Variants in SMARCC1 observed in about 807,000 individuals in gnomAD.
The protein encoded by SMARCC1 is SWI/SNF complex subunit SMARCC1.
Under a neutral mutation model 147.4 loss-of-function variants are expected in SMARCC1, and 43 were observed. The ratio of observed to expected loss-of-function variants is 0.29; its 90% CI spans 0.23 to 0.38. The LOEUF (loss-of-function observed/expected upper bound fraction) is 0.38. SMARCC1 is among the 10% of genes least tolerant of loss of function. The pLI, the probability that SMARCC1 is intolerant of heterozygous loss-of-function variation, is 1.00. For missense variants in SMARCC1, 1,119 were observed against 1,381.1 expected (o/e 0.81, Z 3.01); for synonymous variants, 495 against 484.4 (o/e 1.02, Z -0.29).
intron 19 of SMARCC1, chr3:47,663,676 T>G: frequency 6.7e-7 from 1 of 1,491,776 alleles, no homozygotes; most frequent in Admixed American, 1.7e-5. Context: ...CCCCAGTCAT[T>G]GAGGGGCTTA....
rs185828463 is a variant in SMARCC1, at chr3:47,673,658, C to T, written c.1839+1817G>A. ...GAGCCAACATCGCGCCACTTCACTC[C>T]AGCCTGGGAGAAAAGGGCAAACTCA... is the stretch of plus-strand genomic sequence containing the variant. On this transcript the variant is annotated intron_variant, in intron 18 of 27. Coordinates refer to ENST00000254480, the MANE Select transcript of SMARCC1 (RefSeq NM_003074.4). Among the ~76,000 whole-genome samples, 133 of 152,304 alleles carry T rather than the reference C, an allele frequency of 8.7e-4. 1 individual carries two copies. The highest frequency in any genetic ancestry group is 1.2e-4 in the Non-Finnish European group (8 of 68,030).
chr3:47,702,704 T>G (rs1485248358), intron 10 of SMARCC1, among the ~76,000 whole-genome samples: 1 of 152,182 alleles, frequency 6.6e-6, no homozygotes, highest in East Asian at 1.9e-4. Context: ...GCTCAAGTGA[T>G]CCTCCTGCCT....
intron 14 of SMARCC1, among the ~76,000 whole-genome samples, chr3:47,682,454 A>AT (rs2033665204): frequency 6.6e-6 from 1 of 152,114 alleles, no homozygotes; most frequent in African/African-American, 2.4e-5. Flanking sequence ...AATTAAAAAA[A>AT]TTTTTTGTAG....
intron 2 of SMARCC1, among the ~76,000 whole-genome samples, chr3:47,759,369 T>C (rs2034744729): frequency 6.7e-6 from 1 of 149,914 alleles, no homozygotes; most frequent in South Asian, 2.1e-4. Flanking sequence ...ATACCTGTAA[T>C]CCCAGCACTT....
At chr3:47,657,080 A>G (rs762285022) in intron 21 of SMARCC1, among the ~76,000 whole-genome samples, 4 of 152,244 alleles carry the variant, frequency 2.6e-5, no homozygotes, top group Non-Finnish European at 5.9e-5. Context: ...AGATGTAACA[A>G]TTATAAACAT....
chr3:47,599,989 TA>T (rs750137256), intron 26 of SMARCC1, among the ~76,000 whole-genome samples: 10 of 152,218 alleles, frequency 6.6e-5, no homozygotes, highest in Non-Finnish European at 1.0e-4. Context: ...ATTTACCTAT[TA>T]CCCTACATCT....
intron 2 of SMARCC1, among the ~76,000 whole-genome samples, chr3:47,767,729 G>C (rs2034857493): frequency 2.6e-5 from 4 of 151,260 alleles, no homozygotes. Flanking sequence ...TTAGCTGGGC[G>C]TGGTGGTGGG....
intron 18 of SMARCC1, among the ~76,000 whole-genome samples, chr3:47,671,196 A>AAAAAAAAAAAAACAAC (rs753672169): frequency 2.5e-5 from 2 of 81,206 alleles, no homozygotes; most frequent in African/African-American, 4.0e-5. Context: ...AAAAAAAAAA[A>AAAAAAAAAAAAACAAC]AACACACACA....
intron 6 of SMARCC1, among the ~76,000 whole-genome samples, chr3:47,721,934 C>G (rs549073717): frequency 6.6e-6 from 1 of 152,134 alleles, no homozygotes; most frequent in Non-Finnish European, 1.5e-5. Context: ...GCAGGAAGAT[C>G]ACGAGCATTA....
intron 21 of SMARCC1, among the ~76,000 whole-genome samples, chr3:47,641,126 A>G (rs1227336916): frequency 6.6e-6 from 1 of 152,276 alleles, no homozygotes; most frequent in Non-Finnish European, 1.5e-5. Context: ...GAGCAAGACA[A>G]GAATACAAAT....
rs1465765651 is a variant in SMARCC1, at chr3:47,781,633, C to T, written c.165G>A (p.Val55=). The part of the protein sequence containing the change: ...SPETVSQLDS[V]RVWLGKHYKK... ...TGTAGTGCTTGCCCAGCCAGACCCG[C>T]ACCGAATCCAGCTGGGACACCGTCT... The change falls in exon 1 of 28, where the codon GTG becomes GTA. Residue 55 remains valine, a synonymous_variant. Transcript: ENST00000254480. 5 of 1,555,166 alleles carry T rather than the reference C, an allele frequency of 3.2e-6. No homozygotes were observed. In the African/African-American group the frequency reaches 4.3e-5, roughly 13 times the overall value.
chr3:47,695,836 G>A (rs1252188763), intron 11 of SMARCC1, among the ~76,000 whole-genome samples: 1 of 145,122 alleles, frequency 6.9e-6, no homozygotes, highest in African/African-American at 2.6e-5. Flanking sequence ...GGCAGCTGAG[G>A]TGGGCAGATC....
At chr3:47,756,548 A>G (rs562273097) in intron 2 of SMARCC1, among the ~76,000 whole-genome samples, 3 of 151,952 alleles carry the variant, frequency 2.0e-5, no homozygotes, top group South Asian at 4.1e-4. Context: ...AAAAAAAAAA[A>G]AAAAAAAGGC....
rs536157957 is a variant in SMARCC1, at chr3:47,675,185, G to A, written c.1839+290C>T. 5.3e-5 allele frequency among the ~76,000 whole-genome samples: 8 copies of A among 152,158 alleles called. No individual in the cohort carries two copies. In the East Asian group the frequency reaches 9.6e-4, roughly 18 times the overall value. On this transcript the variant is annotated intron_variant, in intron 18 of 27. Transcript: ENST00000254480. ...AACCTGTCTTCTGCTGTATGCAGTC[G>A]TTATTAAACCTATCAAATAATTTCA... is the stretch of plus-strand genomic sequence containing the variant.
intron 24 of SMARCC1, among the ~76,000 whole-genome samples, chr3:47,631,425 A>G (rs17785248): frequency 0.17 from 26,110 of 152,192 alleles, 2,773 homozygotes; most frequent in South Asian, 0.25. Flanking sequence ...AAAAGAGAAC[A>G]TGCTCTAATA....
chr3:47,600,105 G>C (rs2032359901), intron 26 of SMARCC1, among the ~76,000 whole-genome samples: 1 of 152,174 alleles, frequency 6.6e-6, no homozygotes, highest in South Asian at 2.1e-4. Flanking sequence ...CTAAAGCCTT[G>C]TGAAAAAGAT....
At chr3:47,627,424 A>G (rs1267285756) in intron 24 of SMARCC1, among the ~76,000 whole-genome samples, 4 of 152,290 alleles carry the variant, frequency 2.6e-5, no homozygotes, top group Non-Finnish European at 2.9e-5. Flanking sequence ...CAGCTAGAAG[A>G]GCATTGAAGT....
chr3:47,682,614 C>T (rs965816591), intron 14 of SMARCC1, among the ~76,000 whole-genome samples: 3 of 152,080 alleles, frequency 2.0e-5, no homozygotes, highest in Non-Finnish European at 2.9e-5. Context: ...CCTCTTAGGC[C>T]ATTGTACTAA....
At chr3:47,687,789 G>A (rs2033743931) in intron 13 of SMARCC1, among the ~76,000 whole-genome samples, 1 of 152,144 alleles carries the variant, frequency 6.6e-6, no homozygotes, top group Admixed American at 6.6e-5. Flanking sequence ...AAAAAAGAGT[G>A]TCTTGCACTG....
Sources: gnomAD v4.1 joint callset for allele counts (sites outside exome capture counted in the v4.1 genomes callset) on GRCh38, gnomAD v4.1.1 for gene constraint, MANE v1.5 for transcripts, NCBI Gene and HGNC (gene_info 2026-07-23, HGNC 2026-07-21) for gene names.